HDAC9: variants seen among roughly 807,000 people sequenced by gnomAD.
HDAC9 encodes MEF-2 interacting transcription repressor (MITR) protein.
Under a neutral mutation model 139.4 loss-of-function variants are expected in HDAC9, and 41 were observed. The observed-to-expected ratio is 0.29, with a 90% CI of 0.23 to 0.38. The LOEUF (loss-of-function observed/expected upper bound fraction) is 0.38. Ranked by LOEUF, HDAC9 falls within the 10% of genes least tolerant of loss-of-function variation. The pLI, the probability that HDAC9 is intolerant of heterozygous loss-of-function variation, is 1.00. For missense variants in HDAC9, 1,147 were observed against 1,297.0 expected (o/e 0.88, Z 1.78); for synonymous variants, 517 against 476.2 (o/e 1.09, Z -1.12).
At chr7:18,603,313 G>A (rs1834492103) in intron 6 of HDAC9, among the ~76,000 whole-genome samples, 1 of 151,886 alleles carries the variant, frequency 6.6e-6, no homozygotes, top group African/African-American at 2.4e-5. Flanking sequence ...AATATAATTA[G>A]ATTAATATCT....
At chr7:18,256,813 C>T (rs1795275151) in intron 2 of HDAC9, among the ~76,000 whole-genome samples, 1 of 152,042 alleles carries the variant, frequency 6.6e-6, no homozygotes, top group Non-Finnish European at 1.5e-5. Flanking sequence ...TGTGGCTGGG[C>T]ACAGGGGCTC....
At chr7:18,755,614 G>C (rs1416628983) in intron 14 of HDAC9, among the ~76,000 whole-genome samples, 1 of 152,054 alleles carries the variant, frequency 6.6e-6, no homozygotes, top group Admixed American at 6.6e-5. Context: ...GTTGCATAAA[G>C]GATTGTGAAA....
At chr7:18,737,646 T>G (rs1787049876) in intron 13 of HDAC9, among the ~76,000 whole-genome samples, 1 of 152,218 alleles carries the variant, frequency 6.6e-6, no homozygotes, top group Non-Finnish European at 1.5e-5. Flanking sequence ...ATTTCTGTTC[T>G]TTTACATTTG....
intron 1 of HDAC9, among the ~76,000 whole-genome samples, chr7:18,115,261 C>G (rs1783901114): frequency 6.7e-6 from 1 of 150,070 alleles, no homozygotes; most frequent in African/African-American, 2.5e-5. Flanking sequence ...CCACTGCACT[C>G]CAGCCTAGGT....
chr7:18,939,266 A>G (rs954616016), intron 23 of HDAC9, among the ~76,000 whole-genome samples: 1 of 152,230 alleles, frequency 6.6e-6, no homozygotes, highest in Non-Finnish European at 1.5e-5. Flanking sequence ...AAATAAGAAT[A>G]TAGAATTCCT....
At chr7:18,850,542 T>A (rs967212003) in intron 21 of HDAC9, among the ~76,000 whole-genome samples, 3 of 152,222 alleles carry the variant, frequency 2.0e-5, no homozygotes, top group African/African-American at 4.8e-5. Context: ...AACCTCTGCA[T>A]CTATTGTCAT....
chr7:18,709,318 T>C (rs1784173938), intron 12 of HDAC9, among the ~76,000 whole-genome samples: 1 of 152,184 alleles, frequency 6.6e-6, no homozygotes, highest in Admixed American at 6.5e-5. Flanking sequence ...GTTCCTGTGT[T>C]AGTTTGCTGA....
rs186231868 is a variant in HDAC9 at position 18,740,624 on chromosome 7, C to A, written c.1910-8381C>A. 1.7e-4 allele frequency among the ~76,000 whole-genome samples: 26 copies of A among 152,200 alleles called. 1 individual carries two copies. Among genetic ancestry groups the A allele is most frequent in the African/African-American group, 6.0e-4 (25 of 41,532 alleles). On this transcript the variant is annotated intron_variant, in intron 13 of 25. Transcript: ENST00000686413. ...TTATAAACCCACAGTCCAATTAGGCCAATTTATAAACCCACAGTCCCTTTG... is the reference window on the plus strand; with the variant it reads ...TTATAAACCCACAGTCCAATTAGGCAAATTTATAAACCCACAGTCCCTTTG...
At chr7:18,521,738 GAT>G (rs1464381450) in intron 2 of HDAC9, among the ~76,000 whole-genome samples, 1 of 151,968 alleles carries the variant, frequency 6.6e-6, no homozygotes, top group African/African-American at 2.4e-5. Context: ...TTAGAAAAAC[GAT>G]AATAAATTTG....
intron 1 of HDAC9, among the ~76,000 whole-genome samples, chr7:18,480,893 A>C (rs938697212): frequency 1.3e-5 from 2 of 152,156 alleles, no homozygotes; most frequent in African/African-American, 4.8e-5. Flanking sequence ...AGAAATTAAA[A>C]ACTAGTATCT....
At chr7:18,411,816 G>GTTTTTTTTTTTTTTTTTTTT (rs1280818174) in intron 1 of HDAC9, among the ~76,000 whole-genome samples, 1 of 89,430 alleles carries the variant, frequency 1.1e-5, no homozygotes, top group Non-Finnish European at 2.2e-5. Flanking sequence ...ATTTCAACTT[G>GTTTTTTTTTTTTTTTTTTTT]CTTTTTTTTT....
At chr7:18,196,383 G>C (rs1471880788) in intron 2 of HDAC9, among the ~76,000 whole-genome samples, 1 of 152,170 alleles carries the variant, frequency 6.6e-6, no homozygotes, top group East Asian at 1.9e-4. Context: ...TTTCAAAAAG[G>C]AGGTAAAGCT....
At chr7:18,359,104 C>T (rs1281947860) in intron 1 of HDAC9, among the ~76,000 whole-genome samples, 2 of 152,150 alleles carry the variant, frequency 1.3e-5, no homozygotes, top group Non-Finnish European at 2.9e-5. Flanking sequence ...GCCTGTAATC[C>T]CAGCACTTTG....
chr7:18,273,387 A>G (rs1796512370), intron 2 of HDAC9, among the ~76,000 whole-genome samples: 1 of 152,126 alleles, frequency 6.6e-6, no homozygotes. Context: ...TTATAAAGCC[A>G]TAAGGTATAT....
intron 1 of HDAC9, among the ~76,000 whole-genome samples, chr7:18,467,446 T>C (rs1794376124): frequency 6.6e-6 from 1 of 152,202 alleles, no homozygotes; most frequent in African/African-American, 2.4e-5. Flanking sequence ...CCTGCTTTCT[T>C]GCCTAAGTTA....
At chr7:18,673,228 A>G (rs1795767306) in intron 12 of HDAC9, among the ~76,000 whole-genome samples, 1 of 151,990 alleles carries the variant, frequency 6.6e-6, no homozygotes, top group Non-Finnish European at 1.5e-5. Flanking sequence ...ACATTGAGCT[A>G]TGATCATGCC....
At chr7:18,904,325 G>A (rs1173428656) in intron 22 of HDAC9, among the ~76,000 whole-genome samples, 1 of 152,110 alleles carries the variant, frequency 6.6e-6, no homozygotes, top group Non-Finnish European at 1.5e-5. Context: ...CCAGGTGAAA[G>A]AATTCACAGA....
At chr7:18,676,543 G>C (rs116119199) in intron 12 of HDAC9, among the ~76,000 whole-genome samples, 2 of 151,810 alleles carry the variant, frequency 1.3e-5, no homozygotes, top group African/African-American at 2.4e-5. Flanking sequence ...ATATATTTTG[G>C]TCATGAAGAT....
rs945221091 is a variant in HDAC9 at position 18,239,130 on chromosome 7, T to G, written c.25+76781T>G. 1.4e-4 allele frequency among the ~76,000 whole-genome samples: 21 copies of G among 151,906 alleles called. No homozygotes were observed. The South Asian group carries it at 2.1e-3, about 15-fold the overall frequency. ...TGTCAGAGTACACATCTTATTTTTG[T>G]TTTTTTTTTCCCCCTAAAAGACAAT... On this transcript the variant is annotated intron_variant, in intron 2 of 12. Transcript: ENST00000417496.
Sources: allele counts gnomAD v4.1 joint callset (sites outside exome capture counted in the v4.1 genomes callset), GRCh38; gene constraint gnomAD v4.1.1; transcripts MANE v1.5; gene names NCBI Gene and HGNC (gene_info 2026-07-23, HGNC 2026-07-21).